CPAMD8: variants seen among roughly 807,000 people sequenced by gnomAD.
The protein encoded by CPAMD8 is C3 and PZP-like alpha-2-macroglobulin domain-containing protein 8.
In CPAMD8, 146 loss-of-function variants were observed where a neutral mutation model predicts 224.7. That is an observed-to-expected ratio of 0.65 (90% CI 0.57 to 0.75). The LOEUF is 0.75. Among genes scored for constraint, CPAMD8 ranks in the 30% least tolerant of loss-of-function variants. The pLI is 0.00. For synonymous variants in CPAMD8, 966 were observed against 1,044.6 expected, an observed-to-expected ratio of 0.92 and a Z score of 1.45; for missense variants, 2,301 against 2,537.5, an observed-to-expected ratio of 0.91 and a Z score of 2.00.
Position 16,970,886 on chromosome 19 carries a change from G to A in CPAMD8, c.2213+5C>T, listed in dbSNP as rs186751030. On this transcript the variant is annotated splice_donor_5th_base_variant and intron_variant, in intron 18 of 41. Transcript: ENST00000443236. Reference sequence around the variant, plus strand: ...GAAAACCTTGCTCAATGTATAAGCCGTTACCTGGGGGGGTGCCTGGAAGGA... The same window carrying A: ...GAAAACCTTGCTCAATGTATAAGCCATTACCTGGGGGGGTGCCTGGAAGGA... The A allele has an allele frequency of 7.5e-5, 121 of 1,613,102 alleles. No individual in the cohort carries two copies. In the South Asian group the frequency reaches 8.8e-4, roughly 12 times the overall value.
Position 16,957,897 on chromosome 19 carries a change from C to T in CPAMD8, c.2232G>A (p.Arg744=), listed in dbSNP as rs1393510327. The change falls in exon 19 of 42, where the codon AGG becomes AGA. Residue 744 remains arginine (R), a synonymous_variant. Transcript: ENST00000443236. ...RHPPRTEKRK[R]TFFPETWIWH... ...AAATCCATGTTTCGGGGAAGAAAGT[C>T]CTTTTTCTCTTCTCTGTTCTATGAA... 3.1e-6 allele frequency: 5 copies of T among 1,613,992 alleles called. No homozygotes were observed. In the Admixed American group the frequency reaches 6.7e-5, roughly 22 times the overall value.
chr19:16,906,351 TTTC>T (rs1568459102), intron 30 of CPAMD8, among the ~76,000 whole-genome samples: 3 of 34,398 alleles, frequency 8.7e-5, no homozygotes, highest in African/African-American at 2.2e-4. Flanking sequence ...TCTTTCTTTC[TTTC>T]TTTCTTTCTT....
At position 17,014,857 on chromosome 19, in the gene CPAMD8, T is replaced by A. The variant is rs867918907; in HGVS notation, c.268-3100A>T. ...CTATGTGACCGGTATTTGATGATAG[T>A]TACCCTCTCAGCCATCCCTGGGCAC... On this transcript the variant is annotated intron_variant, in intron 3 of 41. Coordinates refer to ENST00000443236, the MANE Select transcript of CPAMD8 (RefSeq NM_015692.5). Among the ~76,000 whole-genome samples, 5 of 152,348 alleles carry A rather than the reference T, an allele frequency of 3.3e-5. No individual in the cohort carries two copies. The South Asian group carries it at 1.0e-3, about 32-fold the overall frequency.
chr19:16,944,177 G>A (rs927030837), intron 22 of CPAMD8, among the ~76,000 whole-genome samples: 3 of 152,174 alleles, frequency 2.0e-5, no homozygotes, highest in Admixed American at 6.5e-5. Context: ...AGCTGGTGGC[G>A]CCCACAGTCC....
intron 20 of CPAMD8, among the ~76,000 whole-genome samples, chr19:16,949,843 T>C (rs1168965057): frequency 6.6e-6 from 1 of 152,180 alleles, no homozygotes; most frequent in Admixed American, 6.5e-5. Context: ...CTTCCCCTTT[T>C]CTGGGCTGTC....
At chr19:16,923,911 G>A (rs926243878) in intron 26 of CPAMD8, among the ~76,000 whole-genome samples, 5 of 151,838 alleles carry the variant, frequency 3.3e-5, no homozygotes, top group African/African-American at 9.7e-5. Flanking sequence ...AGCTATGATC[G>A]CACCATTGCA....
intron 3 of CPAMD8, among the ~76,000 whole-genome samples, chr19:17,012,095 T>C (rs150652336): frequency 1.3e-5 from 2 of 151,618 alleles, no homozygotes; most frequent in African/African-American, 4.8e-5. Context: ...TCTCAGCTCA[T>C]TGCAACCTCT....
chr19:16,908,018 C>T (rs74260290), intron 29 of CPAMD8, among the ~76,000 whole-genome samples: 126 of 152,294 alleles, frequency 8.3e-4, no homozygotes, highest in Non-Finnish European at 1.4e-3. Flanking sequence ...CAGGCAGAGT[C>T]CTGGCCACCC....
intron 26 of CPAMD8, among the ~76,000 whole-genome samples, chr19:16,924,150 AC>A (rs1434655628): frequency 1.2e-4 from 18 of 151,796 alleles, no homozygotes; most frequent in African/African-American, 4.1e-4. Flanking sequence ...TTTATTTTTG[AC>A]TTTTGGCCTC....
chr19:16,946,450 CAT>C (rs1006470343), intron 21 of CPAMD8, among the ~76,000 whole-genome samples: 9 of 135,258 alleles, frequency 6.7e-5, no homozygotes, highest in African/African-American at 2.6e-4. Context: ...CATGTCTACA[CAT>C]GTGGGCATGT....
chr19:16,946,233 G>C (rs928958347), intron 21 of CPAMD8, among the ~76,000 whole-genome samples: 1 of 151,658 alleles, frequency 6.6e-6, no homozygotes, highest in Non-Finnish European at 1.5e-5. Flanking sequence ...GTGTGGATTT[G>C]TGTGTGATGC....
intron 16 of CPAMD8, 40 bp downstream of exon 16, chr19:16,975,962 C>T (rs545395912): frequency 6.7e-7 from 1 of 1,482,152 alleles, no homozygotes; most frequent in South Asian, 1.4e-5. Context: ...AGGTAAAGCC[C>T]CGTGGAGGTC....
At chr19:16,925,151 G>T (rs1254652935) in intron 26 of CPAMD8, 45 bp downstream of exon 26, 1 of 1,602,002 alleles carries the variant, frequency 6.2e-7, no homozygotes, top group South Asian at 1.1e-5. Context: ...GGCTGAACCT[G>T]CCTCCCTTGC....
At chr19:16,901,518 G>C (rs759340208) in intron 35 of CPAMD8, among the ~76,000 whole-genome samples, 1 of 152,208 alleles carries the variant, frequency 6.6e-6, no homozygotes, top group Non-Finnish European at 1.5e-5. Context: ...CTTGCCAAGG[G>C]CTCTAGGCCT....
Position 16,903,853 on chromosome 19 carries a change from G to A in CPAMD8, c.4256C>T (p.Thr1419Ile). Reference sequence around the variant, plus strand: ...AGCCAAGGCCTGCAGAGCCACGCAGGTGTCCTGGGGATGGAGGAGGAGACG... The same window carrying A: ...AGCCAAGGCCTGCAGAGCCACGCAGATGTCCTGGGGATGGAGGAGGAGACG... Reference protein sequence around the residue: ...ALGGFSSTQDTCVALQALAEY... With the variant: ...ALGGFSSTQDICVALQALAEY... The change falls in exon 33 of 42, where the codon ACC becomes ATC. Residue 1419 changes from threonine to isoleucine, a missense_variant. This residue lies in a region of CPAMD8 where 1,709 missense variants were observed against 1,753.2 expected (regional missense o/e 0.97). Transcript: ENST00000443236. 1.2e-6 allele frequency: 2 copies of A among 1,613,338 alleles called. No individual in the cohort carries two copies. The highest frequency in any genetic ancestry group is 1.1e-5 in the South Asian group (1 of 91,088).
chr19:16,952,781 G>A (rs1289769775), intron 19 of CPAMD8, among the ~76,000 whole-genome samples: 1 of 152,200 alleles, frequency 6.6e-6, no homozygotes, highest in Non-Finnish European at 1.5e-5. Context: ...TTGTTAAAAT[G>A]TCAAAACTAC....
intron 11 of CPAMD8, among the ~76,000 whole-genome samples, chr19:16,995,392 T>C (rs768826476): frequency 2.0e-5 from 3 of 150,976 alleles, no homozygotes; most frequent in Admixed American, 1.3e-4. Context: ...AGGTTTGTTT[T>C]TGTTTTTTGT....
intron 7 of CPAMD8, among the ~76,000 whole-genome samples, chr19:17,006,321 A>G (rs1206402901): frequency 6.6e-6 from 1 of 152,054 alleles, no homozygotes; most frequent in Non-Finnish European, 1.5e-5. Context: ...TCTTAAGATC[A>G]AGTCAGCCTA....
intron 17 of CPAMD8, 35 bp from the exon 18 acceptor site, chr19:16,971,068 G>C (rs1247902549): frequency 6.4e-7 from 1 of 1,557,822 alleles, no homozygotes; most frequent in Non-Finnish European, 8.7e-7. Flanking sequence ...CATTGGTGGG[G>C]AAGTGGATGC....
Sources: allele counts gnomAD v4.1 joint callset (sites outside exome capture counted in the v4.1 genomes callset), GRCh38; gene constraint gnomAD v4.1.1; regional missense constraint gnomAD v4.1.1; transcripts MANE v1.5; gene names NCBI Gene and HGNC (gene_info 2026-07-23, HGNC 2026-07-21).